Variants in CEP164 observed in about 807,000 individuals in gnomAD.
The protein encoded by CEP164 is centrosomal protein 164, also known as centrosomal protein of 164 kDa.
In CEP164, 162 loss-of-function variants were observed where a neutral mutation model predicts 182.7. The observed-to-expected ratio is 0.89, with a 90% confidence interval of 0.78 to 1.01. The LOEUF is 1.01. Ranked by LOEUF, CEP164 falls within the 50% of genes least tolerant of loss-of-function variation. CEP164 has a pLI of 0.00. For missense variants in CEP164, 1,735 were observed against 1,790.4 expected (o/e 0.97, Z 0.56); for synonymous variants, 661 against 690.0 (o/e 0.96, Z 0.66).
At chr11:117,363,235 C>G (rs2041210523) in intron 7 of CEP164, among the ~76,000 whole-genome samples, 194 bp from the exon 8 acceptor site, 1 of 152,192 alleles carries the variant, frequency 6.6e-6, no homozygotes, top group African/African-American at 2.4e-5. Flanking sequence ...TTGCTTGTTG[C>G]ACAGCATAGT....
chr11:117,403,781 T>G (rs2046395639), intron 27 of CEP164, among the ~76,000 whole-genome samples: 1 of 152,212 alleles, frequency 6.6e-6, no homozygotes, highest in African/African-American at 2.4e-5. Flanking sequence ...CCCATCACTT[T>G]TAGGTACACC....
At chr11:117,383,790 A>G (rs1385208688) in intron 14 of CEP164, among the ~76,000 whole-genome samples, 10 of 152,100 alleles carry the variant, frequency 6.6e-5, no homozygotes, top group Non-Finnish European at 1.2e-4. Flanking sequence ...TAATCCCAGC[A>G]CTCTGGGAGG....
intron 5 of CEP164, 67 bp downstream of exon 5, chr11:117,352,055 T>G: frequency 1.5e-6 from 2 of 1,345,514 alleles, no homozygotes; most frequent in Non-Finnish European, 2.0e-6. Context: ...TGGGAACCTC[T>G]AGGTGTCTGC....
intron 8 of CEP164, chr11:117,363,962 C>G (rs141670078): frequency 6.6e-6 from 1 of 152,168 alleles, no homozygotes; most frequent in East Asian, 1.9e-4. Context: ...GAGATGAGGT[C>G]TCTCTGTTGA....
chr11:117,326,947 GA>G (rs1418439359), upstream of CEP164, among the ~76,000 whole-genome samples: 1 of 152,192 alleles, frequency 6.6e-6, no homozygotes, highest in Non-Finnish European at 1.5e-5. Flanking sequence ...TGAGAGAAAG[GA>G]AGATTTGCCC....
rs929056136 is a variant in CEP164 at position 117,396,567 on chromosome 11, G to A, written c.3234G>A (p.Val1078=). ...KSLGTNQTKE[V]SSSLSQSKED... ...GTCCCTAGAACCAGACCAAAGAGGT[G>A]TCTTCTTCTCTCTCCCAGAGCAAGG... The change falls in exon 26 of 33, where the codon GTG becomes GTA. Residue 1078 remains valine, a synonymous_variant. Transcript: ENST00000278935. 1.9e-6 allele frequency: 3 copies of A among 1,613,686 alleles called. No homozygotes were observed. The highest frequency in any genetic ancestry group is 2.2e-5 in the East Asian group (1 of 44,886).
chr11:117,407,781 T>A (rs956742364), intron 27 of CEP164, 144 bp from the exon 28 acceptor site: 20 of 576,630 alleles, frequency 3.5e-5, no homozygotes, highest in Non-Finnish European at 5.1e-5. Flanking sequence ...CTTACGACCC[T>A]GTGAAAAGTC....
At chr11:117,378,335 T>C (rs1039787149) in intron 11 of CEP164, among the ~76,000 whole-genome samples, 1 of 152,214 alleles carries the variant, frequency 6.6e-6, no homozygotes, top group African/African-American at 2.4e-5. Flanking sequence ...TGTGTACATA[T>C]AAGCATATAT....
intron 2 of CEP164, among the ~76,000 whole-genome samples, chr11:117,336,049 A>G (rs563336417): frequency 1.0e-3 from 152 of 151,306 alleles, no homozygotes; most frequent in African/African-American, 3.4e-3. Context: ...CATTTTCCCT[A>G]TCCATTCAGG....
chr11:117,335,371 G>T (rs968737597), intron 1 of CEP164, among the ~76,000 whole-genome samples: 1 of 152,028 alleles, frequency 6.6e-6, no homozygotes, highest in African/African-American at 2.4e-5. Context: ...CTCCCTTCAG[G>T]TTCAGTGCAC....
intron 8 of CEP164, among the ~76,000 whole-genome samples, chr11:117,369,453 A>G (rs2041984429): frequency 6.6e-6 from 1 of 152,252 alleles, no homozygotes; most frequent in Non-Finnish European, 1.5e-5. Flanking sequence ...ACTCTGCTTT[A>G]CTGACCTGTG....
In CEP164 at chr11:117,363,429, A is replaced by G. The variant is rs374465259; in HGVS notation, c.688A>G (p.Ser230Gly). 1 of 1,612,274 alleles carries G rather than the reference A, an allele frequency of 6.2e-7. No homozygotes were observed. The highest frequency in any genetic ancestry group is 8.5e-7 in the Non-Finnish European group (1 of 1,178,578). ...EEDEEESDNQ[S>G]VHSSSEPLRN... ...CACTTGTCATCATTTTTGTTTCTAG[A>G]GTGTCCACAGCTCAAGTGAGCCTCT... The change falls in exon 8 of 33, where the codon AGT becomes GGT. Residue 230 changes from serine (S) to glycine (G), a missense_variant and splice_region_variant. Transcript: ENST00000278935.
At chr11:117,342,971 C>G (rs2038340158) in intron 3 of CEP164, among the ~76,000 whole-genome samples, 1 of 151,858 alleles carries the variant, frequency 6.6e-6, no homozygotes, top group Non-Finnish European at 1.5e-5. Context: ...GTCTCTTCTA[C>G]TAGAATGTAA....
intron 8 of CEP164, among the ~76,000 whole-genome samples, chr11:117,367,374 C>T (rs1035233466): frequency 5.9e-5 from 9 of 152,188 alleles, no homozygotes; most frequent in African/African-American, 2.2e-4. Context: ...ATACTACCCA[C>T]GTTTTACTGT....
At chr11:117,344,346 C>G (rs534738954) in intron 4 of CEP164, 69 bp downstream of exon 4, 9 of 1,070,016 alleles carry the variant, frequency 8.4e-6, no homozygotes, top group South Asian at 2.8e-5. Flanking sequence ...TACTGGAGAT[C>G]GGTTTGAACT....
Position 117,394,528 on chromosome 11 carries a change from C to T in CEP164, c.2760+35C>T, listed in dbSNP as rs2045169802. The T allele has an allele frequency of 1.9e-6, 3 of 1,609,898 alleles. No individual in the cohort carries two copies. In the Admixed American group the frequency reaches 5.0e-5, roughly 27 times the overall value. ...CTGGGGCAGGGTGAGCCCACTGTGA[C>T]CCCTCCATGCACAGTAGGAAGGTGC... is the stretch of plus-strand genomic sequence containing the variant. On this transcript the variant is annotated intron_variant, in intron 21 of 32. Coordinates refer to ENST00000278935, the MANE Select transcript of CEP164 (RefSeq NM_014956.5). This position sits in a 1 kb window ranked among gnomAD's most constrained non-coding sequence, Gnocchi z 4.0.
chr11:117,359,527 A>AC, intron 5 of CEP164: 1 of 985,328 alleles, frequency 1.0e-6, no homozygotes, highest in Non-Finnish European at 1.2e-6. Flanking sequence ...CTGGGAACCC[A>AC]CCCACCGGTC....
intron 16 of CEP164, 44 bp downstream of exon 16, chr11:117,390,952 G>A (rs753478476): frequency 1.1e-5 from 17 of 1,613,746 alleles, no homozygotes; most frequent in East Asian, 2.2e-5. Context: ...CTGCGGAGGC[G>A]ACCCCAGGGT....
intron 2 of CEP164, among the ~76,000 whole-genome samples, chr11:117,337,991 C>T (rs933751153): frequency 6.6e-6 from 1 of 151,786 alleles, no homozygotes; most frequent in Non-Finnish European, 1.5e-5. Flanking sequence ...GCCAGCCTTC[C>T]TTCCTTCCTT....
Sources: allele counts gnomAD v4.1 joint callset (sites outside exome capture counted in the v4.1 genomes callset), GRCh38; gene constraint gnomAD v4.1.1; non-coding constraint Gnocchi (gnomAD v3.1); transcripts MANE v1.5; gene names NCBI Gene and HGNC (gene_info 2026-07-23, HGNC 2026-07-21).